Variants in UBXN11 observed in about 807,000 individuals in gnomAD.
UBXN11 encodes UBX domain protein 11.
Under a neutral mutation model 62.8 loss-of-function variants are expected in UBXN11, and 47 were observed. That is an observed-to-expected ratio of 0.75 (90% CI 0.59 to 0.95). The LOEUF is 0.95. Ranked by LOEUF, UBXN11 falls within the 40% of genes least tolerant of loss-of-function variation. The probability of loss-of-function intolerance (pLI) is 0.00; values close to 1 mark genes in which losing one functional copy is unlikely to be tolerated. For missense variants in UBXN11, 638 were observed against 661.7 expected (o/e 0.96, Z 0.39); for synonymous variants, 294 against 267.0 (o/e 1.10, Z -0.99).
At chr1:26,284,275 G>A in intron 11 of UBXN11, 30 bp from the exon 12 acceptor site, 1 of 1,607,350 alleles carries the variant, frequency 6.2e-7, no homozygotes, top group Non-Finnish European at 8.5e-7. Flanking sequence ...CCGGGGCCCA[G>A]GAAGGACTAT....
rs539395906 is a variant in UBXN11 at position 26,284,142 on chromosome 1, C to T, written c.1077G>A (p.Gln359=). ...DIRGPIRDTL[Q]NCCPLPARIQ... ...CTGGGGGAGTTAGCATTGGCCTCAC[C>T]TGCAAGGTGTCCCTGATGGGGCCCC... is the stretch of plus-strand genomic sequence containing the variant. The change falls in exon 12 of 15, where the codon CAG becomes CAA. Residue 359 remains glutamine (Q), a splice_region_variant and synonymous_variant. Transcript: ENST00000374222. The T allele has an allele frequency of 3.7e-6, 6 of 1,606,914 alleles. No homozygotes were observed. The African/African-American group carries it at 4.0e-5, about 11-fold the overall frequency.
At chr1:26,285,211 G>T in intron 10 of UBXN11, 1 of 1,294,452 alleles carries the variant, frequency 7.7e-7, no homozygotes, top group Non-Finnish European at 9.9e-7. Flanking sequence ...AGCTGGGGAG[G>T]ACTAGAAGGC....
At chr1:26,306,778 G>A (rs1232106119), upstream of UBXN11, 4 of 134,552 alleles carry the variant, frequency 3.0e-5, no homozygotes, top group African/African-American at 1.1e-4. Flanking sequence ...ATTCTTCGCG[G>A]GCGAATCCCA....
At chr1:26,315,274 A>G (rs796482050) in intron 1 of UBXN11, among the ~76,000 whole-genome samples, 36 of 152,302 alleles carry the variant, frequency 2.4e-4, no homozygotes, top group African/African-American at 8.7e-4. Flanking sequence ...CCAGCATGGG[A>G]AACTATAACA....
At chr1:26,305,200 A>C (rs1360840088) in intron 1 of UBXN11, among the ~76,000 whole-genome samples, 1 of 152,052 alleles carries the variant, frequency 6.6e-6, no homozygotes, top group Non-Finnish European at 1.5e-5. Flanking sequence ...TCCCAGGTTC[A>C]AGCAATTCTC....
intron 1 of UBXN11, among the ~76,000 whole-genome samples, chr1:26,303,692 T>C (rs1316044429): frequency 6.6e-6 from 1 of 151,446 alleles, no homozygotes; most frequent in Non-Finnish European, 1.5e-5. Flanking sequence ...TGCCAGGTTT[T>C]GCCACTCACT....
chr1:26,294,441 G>C, intron 7 of UBXN11, 110 bp from the exon 8 acceptor site: 2 of 1,471,342 alleles, frequency 1.4e-6, no homozygotes, highest in Non-Finnish European at 1.8e-6. Flanking sequence ...GGGGCCCCCA[G>C]AGCTGACCAG....
intron 1 of UBXN11, 124 bp from the exon 2 acceptor site, chr1:26,303,042 C>A (rs111584610): frequency 1.8e-5 from 11 of 613,526 alleles, no homozygotes; most frequent in Non-Finnish European, 3.2e-5. Context: ...GGCAGCAGTA[C>A]CTTTTGCCTC....
At chr1:26,314,413 G>T (rs2073771745) in intron 1 of UBXN11, among the ~76,000 whole-genome samples, 2 of 152,182 alleles carry the variant, frequency 1.3e-5, no homozygotes, top group African/African-American at 4.8e-5. Flanking sequence ...AGATGAGAAA[G>T]CTCAGCTCAG....
upstream of UBXN11, among the ~76,000 whole-genome samples, chr1:26,310,971 C>T (rs964669256): frequency 6.6e-6 from 1 of 151,978 alleles, no homozygotes; most frequent in Non-Finnish European, 1.5e-5. Context: ...GTCGCCCAGC[C>T]TCATCTTGAT....
chr1:26,285,645 C>T (rs769124782), intron 9 of UBXN11, 104 bp from the exon 10 acceptor site: 25 of 1,377,040 alleles, frequency 1.8e-5, no homozygotes, highest in African/African-American at 1.0e-4. Flanking sequence ...CACCCAGTGC[C>T]GCACTCTGGA....
intron 8 of UBXN11, 84 bp downstream of exon 8, chr1:26,294,117 GAGAT>G: frequency 1.3e-6 from 2 of 1,546,630 alleles, no homozygotes; most frequent in Non-Finnish European, 1.7e-6. Flanking sequence ...GGGCACGAAT[GAGAT>G]AGGCCTCTGG....
At chr1:26,317,959 GACAGCCCTGAGATC>G in intron 1 of UBXN11, 1 of 1,504,928 alleles carries the variant, frequency 6.6e-7, no homozygotes, top group South Asian at 1.1e-5. Flanking sequence ...GAAGCCTCCA[GACAGCCCTGAGATC>G]ACCTAAAAAG....
intron 10 of UBXN11, 56 bp downstream of exon 10, chr1:26,285,408 G>T: frequency 1.3e-6 from 2 of 1,584,086 alleles, no homozygotes; most frequent in Non-Finnish European, 1.7e-6. Context: ...GGGAGGCTGT[G>T]TATCCCCACT....
chr1:26,286,088 T>G, intron 8 of UBXN11, 51 bp from the exon 9 acceptor site: 1 of 1,511,998 alleles, frequency 6.6e-7, no homozygotes. Flanking sequence ...GTCATGTCCC[T>G]AGCAGCCCTA....
At chr1:26,294,594 G>C (rs759673618) in intron 7 of UBXN11, among the ~76,000 whole-genome samples, 1 of 152,204 alleles carries the variant, frequency 6.6e-6, no homozygotes, top group Non-Finnish European at 1.5e-5. Context: ...GGCTCAGTAA[G>C]ATCACTCAGG....
chr1:26,312,256 A>G (rs1375221002), intron 1 of UBXN11, among the ~76,000 whole-genome samples: 2 of 151,232 alleles, frequency 1.3e-5, no homozygotes, highest in Non-Finnish European at 2.9e-5. Context: ...CCATTATAGC[A>G]TTTCTTTTTT....
intron 9 of UBXN11, 53 bp from the exon 10 acceptor site, chr1:26,285,594 G>T: frequency 6.8e-7 from 1 of 1,479,296 alleles, no homozygotes; most frequent in Non-Finnish European, 9.0e-7. Flanking sequence ...GGCCCACCCT[G>T]CCCTGCCACT....
intron 10 of UBXN11, chr1:26,284,964 C>T: frequency 1.0e-6 from 1 of 1,000,028 alleles, no homozygotes; most frequent in African/African-American, 1.7e-5. Context: ...CCCGGACACG[C>T]CCTCAGTGCG....
Sources: allele counts gnomAD v4.1 joint callset (sites outside exome capture counted in the v4.1 genomes callset), GRCh38; gene constraint gnomAD v4.1.1; transcripts MANE v1.5; gene names NCBI Gene and HGNC (gene_info 2026-07-23, HGNC 2026-07-21).